The following ASAH2 variants were observed in gnomAD, a reference collection of about 807,000 sequenced individuals.
ASAH2 encodes the protein neutral ceramidase.
In ASAH2, 58 loss-of-function variants were observed where a neutral mutation model predicts 82.9. That is an observed-to-expected ratio of 0.70 (90% CI 0.57 to 0.87). The LOEUF (loss-of-function observed/expected upper bound fraction) is 0.87. Ranked by LOEUF, ASAH2 falls within the 40% of genes least tolerant of loss-of-function variation. The probability of loss-of-function intolerance (pLI) is 0.00; values close to 1 mark genes in which losing one functional copy is unlikely to be tolerated. For synonymous variants in ASAH2, 276 were observed against 289.7 expected, an observed-to-expected ratio of 0.95 and a Z score of 0.48; for missense variants, 779 against 834.0, an observed-to-expected ratio of 0.93 and a Z score of 0.81.
At chr10:50,242,368 A>G (rs2133231444) in intron 4 of ASAH2, among the ~76,000 whole-genome samples, 1 of 152,326 alleles carries the variant, frequency 6.6e-6, no homozygotes, top group East Asian at 1.9e-4. Context: ...TTCACACAGC[A>G]GGAGGAAAGT....
chr10:50,232,118 T>C (rs1465566138), intron 7 of ASAH2, among the ~76,000 whole-genome samples: 3 of 152,110 alleles, frequency 2.0e-5, no homozygotes, highest in Admixed American at 2.0e-4. Context: ...CTCCACCTAG[T>C]TTTAGGGCCA....
chr10:50,218,487 C>G, intron 8 of ASAH2, 23 bp downstream of exon 8: 1 of 1,613,648 alleles, frequency 6.2e-7, no homozygotes, highest in Non-Finnish European at 8.5e-7. Context: ...CAAGATGAAG[C>G]TTTCAATGAT....
In ASAH2 at chr10:50,204,934, G is replaced by T; in HGVS notation, c.1552C>A (p.His518Asn). ...TGELSKPHPW[H>N]PDIVDVQIIT... ...ATCTGAACATCAACAATGTCTGGAT[G>T]CCAGGGGTGAGGTTTTGATAGCTGA... Residue 518 changes from histidine to asparagine, a missense_variant, in exon 14 of 21, where the codon CAT becomes AAT. Physicochemically the swap from His to Asn is moderately conservative, Grantham distance 68 (BLOSUM62 1). Coordinates refer to ENST00000682911, the MANE Select transcript of ASAH2 (RefSeq NM_019893.4). 6.2e-7 allele frequency: 1 copy of T among 1,610,784 alleles called. No individual in the cohort carries two copies. Among genetic ancestry groups the T allele is most frequent in the South Asian group, 1.1e-5 (1 of 90,506 alleles).
chr10:50,228,538 C>T (rs1417238571), intron 7 of ASAH2, among the ~76,000 whole-genome samples: 1 of 152,142 alleles, frequency 6.6e-6, no homozygotes, highest in Non-Finnish European at 1.5e-5. Flanking sequence ...ATATATACTG[C>T]AACTGAGTTC....
At position 50,219,575 on chromosome 10, in the gene ASAH2, T is replaced by C. The variant is rs924353704; in HGVS notation, c.894-945A>G. 1.2e-4 allele frequency among the ~76,000 whole-genome samples: 18 copies of C among 152,198 alleles called. 1 individual carries two copies. The highest frequency in any genetic ancestry group is 2.2e-4 in the Non-Finnish European group (15 of 68,030). On this transcript the variant is annotated intron_variant, in intron 7 of 20. Transcript: ENST00000682911. ...CTAATTCATAAACTGTCAGGTTAAC[T>C]TAGAATTTAAAAAAAAAATTGTTGA...
chr10:50,226,114 C>T (rs1029468568), intron 7 of ASAH2, among the ~76,000 whole-genome samples: 6 of 151,618 alleles, frequency 4.0e-5, no homozygotes, highest in African/African-American at 1.5e-4. Flanking sequence ...ATGTTTATCA[C>T]GATGTATTTT....
intron 4 of ASAH2, among the ~76,000 whole-genome samples, chr10:50,241,941 C>T (rs1384990073): frequency 5.3e-5 from 8 of 151,974 alleles, no homozygotes; most frequent in African/African-American, 7.2e-5. Flanking sequence ...ATGTAGATGA[C>T]GGGTTGATGG....
chr10:50,218,659 A>G (rs1845671356), intron 7 of ASAH2, 29 bp from the exon 8 acceptor site: 4 of 1,613,632 alleles, frequency 2.5e-6, no homozygotes, highest in East Asian at 2.2e-5. Flanking sequence ...CTCTAAATTA[A>G]TCAGGAGAAC....
intron 7 of ASAH2, among the ~76,000 whole-genome samples, chr10:50,231,585 C>A (rs916034905): frequency 2.6e-5 from 4 of 152,098 alleles, no homozygotes; most frequent in Non-Finnish European, 5.9e-5. Flanking sequence ...AGAAAACTTG[C>A]CTTATTCATC....
rs1844889080 is a variant in ASAH2, at chr10:50,193,259, C to A, written c.2005-547G>T. 3.3e-5 allele frequency among the ~76,000 whole-genome samples: 5 copies of A among 151,732 alleles called. No individual in the cohort carries two copies. The South Asian group carries it at 1.0e-3, about 31-fold the overall frequency. On this transcript the variant is annotated intron_variant, in intron 18 of 20. Transcript: ENST00000682911. ...GAGTGGCAGCAGACAAACAAGAACC[C>A]TGTAATCCACCAGCTCAATGTCATC...
At chr10:50,205,714 G>A (rs1346152257) in intron 13 of ASAH2, among the ~76,000 whole-genome samples, 3 of 151,916 alleles carry the variant, frequency 2.0e-5, no homozygotes, top group African/African-American at 7.2e-5. Context: ...TTCTGAGTAA[G>A]ATAAATGTTC....
At chr10:50,229,056 A>G (rs1193331471) in intron 7 of ASAH2, among the ~76,000 whole-genome samples, 1 of 152,140 alleles carries the variant, frequency 6.6e-6, no homozygotes, top group Non-Finnish European at 1.5e-5. Context: ...ACTGACCACA[A>G]CTACCACTCA....
chr10:50,238,456 A>G (rs1271580692), intron 4 of ASAH2, among the ~76,000 whole-genome samples: 2 of 152,188 alleles, frequency 1.3e-5, no homozygotes, highest in African/African-American at 2.4e-5. Flanking sequence ...TAACAAGACT[A>G]ACATCCTTCT....
chr10:50,223,588 G>A (rs1845801861), intron 7 of ASAH2, among the ~76,000 whole-genome samples: 2 of 152,156 alleles, frequency 1.3e-5, no homozygotes, highest in Admixed American at 6.5e-5. Flanking sequence ...CAACATGGGA[G>A]CTCTTTAGGA....
chr10:50,233,160 A>G, intron 7 of ASAH2, 24 bp downstream of exon 7: 1 of 1,540,404 alleles, frequency 6.5e-7, no homozygotes, highest in Non-Finnish European at 9.0e-7. Flanking sequence ...CGACAGAATT[A>G]TTTTTAAAAA....
At chr10:50,211,947 C>T (rs906862414) in intron 10 of ASAH2, among the ~76,000 whole-genome samples, 17 of 152,212 alleles carry the variant, frequency 1.1e-4, no homozygotes, top group African/African-American at 3.6e-4. Flanking sequence ...CTATGACTCT[C>T]CGGCTCAGAA....
At chr10:50,239,219 G>A (rs1846232375) in intron 4 of ASAH2, among the ~76,000 whole-genome samples, 1 of 152,152 alleles carries the variant, frequency 6.6e-6, no homozygotes, top group Non-Finnish European at 1.5e-5. Flanking sequence ...CTGACACTGA[G>A]AACCTACATA....
intron 5 of ASAH2, among the ~76,000 whole-genome samples, chr10:50,235,559 G>A (rs1217066298): frequency 6.6e-6 from 1 of 152,006 alleles, no homozygotes; most frequent in Non-Finnish European, 1.5e-5. Flanking sequence ...TCCTTCATGG[G>A]TTTCTCTTTG....
intron 5 of ASAH2, among the ~76,000 whole-genome samples, chr10:50,235,534 GT>G (rs1846136219): frequency 6.6e-6 from 1 of 152,066 alleles, no homozygotes; most frequent in Non-Finnish European, 1.5e-5. Flanking sequence ...AGAATTATTT[GT>G]AATTACTTTT....
Sources: gnomAD v4.1 joint callset for allele counts (sites outside exome capture counted in the v4.1 genomes callset) on GRCh38, gnomAD v4.1.1 for gene constraint, MANE v1.5 for transcripts, NCBI Gene and HGNC (gene_info 2026-07-23, HGNC 2026-07-21) for gene names.